RYR3: variants seen among roughly 807,000 people sequenced by gnomAD.
RYR3 encodes the protein brain ryanodine receptor-calcium release channel.
A neutral mutation model predicts 584.3 loss-of-function variants in RYR3; 207 were observed. The ratio of observed to expected loss-of-function variants is 0.35; its 90% CI spans 0.32 to 0.40. The LOEUF is 0.40. Among genes scored for constraint, RYR3 ranks in the 10% least tolerant of loss-of-function variants. The pLI is 1.00. For missense variants in RYR3, 5,616 were observed against 6,089.2 expected (o/e 0.92, Z 2.59); for synonymous variants, 2,416 against 2,248.5 (o/e 1.07, Z -2.11).
chr15:33,464,424 A>G (rs1295805311), intron 1 of RYR3, among the ~76,000 whole-genome samples: 2 of 145,420 alleles, frequency 1.4e-5, no homozygotes, highest in African/African-American at 5.1e-5. Flanking sequence ...AAACCAAGCA[A>G]GCAAAAGAGT....
intron 70 of RYR3, among the ~76,000 whole-genome samples, chr15:33,808,575 A>C (rs1205390492): frequency 6.6e-6 from 1 of 152,260 alleles, no homozygotes; most frequent in African/African-American, 2.4e-5. Context: ...GTTTATATAC[A>C]TATAACCAGG....
chr15:33,596,045 T>C (rs2059354384), intron 16 of RYR3, among the ~76,000 whole-genome samples: 1 of 150,282 alleles, frequency 6.7e-6, no homozygotes, highest in Non-Finnish European at 1.5e-5. Context: ...CTTTCTTATA[T>C]AAAATTATTT....
chr15:33,560,644 T>G (rs1052479594), intron 10 of RYR3, among the ~76,000 whole-genome samples: 3 of 152,180 alleles, frequency 2.0e-5, no homozygotes, highest in Non-Finnish European at 4.4e-5. Flanking sequence ...GAGAGCAGAT[T>G]AGAGATGAGA....
chr15:33,801,142 CAT>C (rs2075897690), intron 68 of RYR3, among the ~76,000 whole-genome samples: 1 of 152,122 alleles, frequency 6.6e-6, no homozygotes, highest in Non-Finnish European at 1.5e-5. Context: ...AAAGGCAGGA[CAT>C]CTTACAGGGG....
At position 33,785,783 on chromosome 15, in the gene RYR3, C is replaced by A. The variant is rs1243030045; in HGVS notation, c.9390C>A (p.Val3130=). 6.2e-7 allele frequency: 1 copy of A among 1,613,896 alleles called. No homozygotes were observed. Among genetic ancestry groups the A allele is most frequent in the African/African-American group, 1.3e-5 (1 of 74,932 alleles). The change falls in exon 66 of 104, where the codon GTC becomes GTA. Residue 3130 remains valine (V), a synonymous_variant. Coordinates refer to ENST00000634891, the MANE Select transcript of RYR3 (RefSeq NM_001036.6). ...SGARYTEMPH[V]IEVILPMLCN... The stretch of plus-strand genomic sequence containing the variant: ...CCCGGTACACAGAGATGCCCCATGT[C>A]ATCGAGGTGATCTTACCCATGCTCT...
intron 32 of RYR3, among the ~76,000 whole-genome samples, chr15:33,658,304 C>T (rs916150778): frequency 1.3e-5 from 2 of 152,232 alleles, no homozygotes; most frequent in African/African-American, 4.8e-5. Context: ...AGCCAGGGGC[C>T]ACTCTCCCCG....
chr15:33,571,175 G>A (rs2058009031), intron 12 of RYR3, among the ~76,000 whole-genome samples: 1 of 151,920 alleles, frequency 6.6e-6, no homozygotes, highest in African/African-American at 2.4e-5. Context: ...GGACAGGGTG[G>A]GAAACACCAA....
chr15:33,559,141 G>A (rs530796391), intron 10 of RYR3, among the ~76,000 whole-genome samples: 3 of 152,270 alleles, frequency 2.0e-5, no homozygotes, highest in Admixed American at 6.5e-5. Context: ...CATATAAAAG[G>A]TGAGTCTTGG....
chr15:33,608,138 ACT>A (rs1417177644), intron 18 of RYR3, among the ~76,000 whole-genome samples: 1 of 152,036 alleles, frequency 6.6e-6, no homozygotes, highest in Non-Finnish European at 1.5e-5. Context: ...CTTACAAATA[ACT>A]CTCTTTATAG....
chr15:33,361,219 T>TA (rs1343905264), intron 1 of RYR3, among the ~76,000 whole-genome samples: 1 of 152,178 alleles, frequency 6.6e-6, no homozygotes. Flanking sequence ...TCCTCTTTGG[T>TA]AAAGACACCC....
At chr15:33,332,529 G>A (rs561861583) in intron 1 of RYR3, among the ~76,000 whole-genome samples, 24 of 152,152 alleles carry the variant, frequency 1.6e-4, no homozygotes, top group Middle Eastern at 3.4e-3. Context: ...ATTATAAAAA[G>A]TGATCATGTA....
At position 33,703,890 on chromosome 15, in the gene RYR3, A is replaced by G. The variant is rs1216930589; in HGVS notation, c.6483+2810A>G. ...AAAGCAGGAATCAAGGAAAGAATCT[A>G]TTTACTGGCCTTATCAAATATGATG... On this transcript the variant is annotated intron_variant, in intron 42 of 103. Coordinates refer to ENST00000634891, the MANE Select transcript of RYR3 (RefSeq NM_001036.6). 3.3e-5 allele frequency among the ~76,000 whole-genome samples: 5 copies of G among 152,186 alleles called. No individual in the cohort carries two copies. The East Asian group carries it at 7.7e-4, about 23-fold the overall frequency.
At chr15:33,834,454 GATT>G (rs2077906734) in intron 86 of RYR3, among the ~76,000 whole-genome samples, 1 of 149,990 alleles carries the variant, frequency 6.7e-6, no homozygotes, top group Non-Finnish European at 1.5e-5. Context: ...TGAATGCTAA[GATT>G]ATTACACAGA....
intron 1 of RYR3, among the ~76,000 whole-genome samples, chr15:33,443,871 C>T (rs540376896): frequency 2.6e-5 from 4 of 152,288 alleles, no homozygotes; most frequent in South Asian, 2.1e-4. Flanking sequence ...ATTTCAGCGT[C>T]TGTGTTGACA....
intron 1 of RYR3, among the ~76,000 whole-genome samples, chr15:33,409,098 A>G (rs947808857): frequency 2.0e-5 from 3 of 152,150 alleles, no homozygotes; most frequent in Non-Finnish European, 4.4e-5. Flanking sequence ...TCTGCCAGAG[A>G]GTGCTGACAG....
At chr15:33,473,594 T>C in intron 2 of RYR3, 56 bp downstream of exon 2, 2 of 1,580,064 alleles carry the variant, frequency 1.3e-6, no homozygotes, top group Non-Finnish European at 1.7e-6. Context: ...GACAAAGTCA[T>C]TTAGGGGAGA....
rs1278560286 is a variant in RYR3, at chr15:33,810,497, G to A, written c.10045G>A (p.Glu3349Lys). The A allele has an allele frequency of 1.2e-6, 2 of 1,614,034 alleles. No individual in the cohort carries two copies. Among genetic ancestry groups the A allele is most frequent in the African/African-American group, 1.3e-5 (1 of 75,062 alleles). The change falls in exon 71 of 104, where the codon GAG becomes AAG. Residue 3349 changes from glutamate to lysine, a missense_variant. Physicochemically the swap from Glu to Lys is moderately conservative, Grantham distance 56. Transcript: ENST00000634891. ...MQVKSGGQDQ[E>K]RKKTKRRGDL... ...CTCCTAGTCTGGAGGACAAGACCAG[G>A]AGCGGAAGAAGACAAAGCGGCGGGG...
intron 27 of RYR3, among the ~76,000 whole-genome samples, chr15:33,637,503 C>T (rs1275711354): frequency 6.6e-6 from 1 of 152,194 alleles, no homozygotes; most frequent in Non-Finnish European, 1.5e-5. Context: ...CTTCTGCCTA[C>T]CCAGGACATC....
Position 33,670,304 on chromosome 15 carries a change from T to C in RYR3, c.5723-115T>C, listed in dbSNP as rs2063767698. On this transcript the variant is annotated intron_variant, in intron 37 of 103. Coordinates refer to ENST00000634891, the MANE Select transcript of RYR3 (RefSeq NM_001036.6). ...GAGAATAGTATCTTTAGAAAGCCTG[T>C]AGTATCTTTAGAAAGTTCCAGAAGG... is the stretch of plus-strand genomic sequence containing the variant. 3.9e-6 allele frequency: 4 copies of C among 1,033,832 alleles called. No homozygotes were observed. In the Admixed American group the frequency reaches 6.1e-5, roughly 16 times the overall value. The allele number at this position is 1,033,832 out of a possible 1,614,324, so 64.0% of individuals were successfully genotyped here.
Sources: allele counts gnomAD v4.1 joint callset (sites outside exome capture counted in the v4.1 genomes callset), GRCh38; gene constraint gnomAD v4.1.1; transcripts MANE v1.5; gene names NCBI Gene and HGNC (gene_info 2026-07-23, HGNC 2026-07-21).